SPATA1: variants seen among roughly 807,000 people sequenced by gnomAD.
SPATA1 encodes the protein spermatogenesis associated 1, also known as spermatogenesis-associated protein 1.
SPATA1 carries 57 observed loss-of-function variants against 59.6 expected under a neutral mutation model. The observed-to-expected ratio is 0.96, with a 90% CI of 0.77 to 1.19. The LOEUF (loss-of-function observed/expected upper bound fraction) is 1.19, where lower values mean the gene tolerates loss of function less well. SPATA1 is among the 50% of genes most tolerant of loss of function. SPATA1 has a pLI of 0.00. For missense variants in SPATA1, 448 were observed against 480.7 expected (o/e 0.93, Z 0.64); for synonymous variants, 147 against 163.9 (o/e 0.90, Z 0.79).
intron 1 of SPATA1, among the ~76,000 whole-genome samples, chr1:84,508,296 C>A (rs974893297): frequency 3.6e-4 from 54 of 149,072 alleles, no homozygotes; most frequent in African/African-American, 7.8e-4. Flanking sequence ...AAAAAAAAAA[C>A]AAAACCATTG....
intron 1 of SPATA1, among the ~76,000 whole-genome samples, chr1:84,515,812 A>C (rs11163992): frequency 0.18 from 27,408 of 152,084 alleles, 2,548 homozygotes; most frequent in South Asian, 0.31. Context: ...TATATGATAT[A>C]ACAGTTTTCA....
intron 5 of SPATA1, 28 bp from the exon 6 acceptor site, chr1:84,525,817 A>G: frequency 6.2e-7 from 1 of 1,604,948 alleles, no homozygotes; most frequent in Non-Finnish European, 8.5e-7. Context: ...ATTGCAAACT[A>G]ACTTTTAAAA....
chr1:84,542,143 T>C (rs991090183), intron 8 of SPATA1, among the ~76,000 whole-genome samples: 3 of 152,132 alleles, frequency 2.0e-5, no homozygotes, highest in Non-Finnish European at 4.4e-5. Context: ...TTTGTATTTT[T>C]AGTAGAGACG....
intron 6 of SPATA1, chr1:84,527,714 T>C (rs6688208): frequency 0.17 from 25,228 of 152,154 alleles, 3,851 homozygotes; most frequent in African/African-American, 0.4. Context: ...TGCTATCATG[T>C]ATAGTGCAAT....
chr1:84,520,358 T>C (rs1570399270), intron 2 of SPATA1: 1 of 420,038 alleles, frequency 2.4e-6, no homozygotes, highest in Non-Finnish European at 4.2e-6. Flanking sequence ...GCTAATCTCA[T>C]AGCCACATCT....
intron 10 of SPATA1, among the ~76,000 whole-genome samples, chr1:84,546,855 T>C (rs1002159449): frequency 2.6e-5 from 4 of 152,284 alleles, no homozygotes; most frequent in Middle Eastern, 3.4e-3. Context: ...GTTAAGTAAG[T>C]TTTCTTGCAG....
At chr1:84,533,467 A>C (rs1683551436) in intron 7 of SPATA1, among the ~76,000 whole-genome samples, 1 of 152,084 alleles carries the variant, frequency 6.6e-6, no homozygotes, top group Non-Finnish European at 1.5e-5. Context: ...TTATCTTGCT[A>C]TAGATATTGA....
chr1:84,516,112 G>C (rs1193377570), intron 1 of SPATA1, 111 bp from the exon 2 acceptor site: 2 of 388,312 alleles, frequency 5.2e-6, no homozygotes, highest in Non-Finnish European at 9.1e-6. Context: ...CTATTTACTA[G>C]TAATATGTCC....
intron 8 of SPATA1, among the ~76,000 whole-genome samples, chr1:84,538,562 G>A (rs1264684928): frequency 1.3e-5 from 2 of 152,168 alleles, no homozygotes; most frequent in African/African-American, 2.4e-5. Flanking sequence ...CATGGTCTGC[G>A]ACATGTTGAG....
intron 2 of SPATA1, 142 bp downstream of exon 2, chr1:84,516,537 C>A: frequency 5.3e-6 from 3 of 568,618 alleles, no homozygotes; most frequent in South Asian, 2.4e-5. Context: ...TATCCCATTG[C>A]CTGATTACAC....
In SPATA1 at chr1:84,533,769, A is replaced by T. The variant is rs545362969; in HGVS notation, c.717+3A>T. 3.2e-6 allele frequency: 5 copies of T among 1,548,182 alleles called. No homozygotes were observed. The highest frequency in any genetic ancestry group is 4.4e-6 in the Non-Finnish European group (5 of 1,144,402). Reference sequence around the variant, plus strand: ...TCAGTAGAAGACAGGACAATCAGGTACTATTTAAAATTTTTTGTTTAAACA... The same window carrying T: ...TCAGTAGAAGACAGGACAATCAGGTTCTATTTAAAATTTTTTGTTTAAACA... On this transcript the variant is annotated splice_donor_region_variant and intron_variant, in intron 8 of 12. Coordinates refer to ENST00000490879, the Ensembl canonical transcript of SPATA1.
At chr1:84,562,333 C>G (rs181162224) in intron 4 of SPATA1, among the ~76,000 whole-genome samples, 45 of 152,242 alleles carry the variant, frequency 3.0e-4, no homozygotes, top group African/African-American at 8.7e-4. Flanking sequence ...ACAATACACT[C>G]TAGTTTCACT....
intron 1 of SPATA1, among the ~76,000 whole-genome samples, chr1:84,514,118 T>A (rs767146474): frequency 3.9e-5 from 6 of 152,166 alleles, no homozygotes; most frequent in Non-Finnish European, 8.8e-5. Context: ...GTGCTGGGAT[T>A]ATAGGCACAA....
At position 84,516,460 on chromosome 1, in the gene SPATA1, T is replaced by C; in HGVS notation, c.36+65T>C. The C allele has an allele frequency of 8.2e-6, 8 of 973,402 alleles. No homozygotes were observed. In the South Asian group the frequency reaches 1.0e-4, roughly 12 times the overall value. The allele number at this position is 973,402 out of a possible 1,614,324, so 60.3% of individuals were successfully genotyped here. A position where few individuals can be genotyped will look rare whatever the true frequency, so the allele number is the denominator to read the frequency against. ...GCTTATCACTGTTTTTGAAAAGTTT[T>C]ATAAAAGCAAAAACATAGATTATAT... On this transcript the variant is annotated intron_variant, in intron 2 of 12. Coordinates refer to ENST00000490879, the Ensembl canonical transcript of SPATA1.
chr1:84,561,214 G>C lies in SPATA1; in HGVS notation n.443-4647G>C, dbSNP rs941306930. 5.3e-5 allele frequency among the ~76,000 whole-genome samples: 8 copies of C among 152,304 alleles called. No individual in the cohort carries two copies. In the East Asian group the frequency reaches 1.5e-3, roughly 29 times the overall value. On this transcript the variant is annotated intron_variant and non_coding_transcript_variant, in intron 4 of 4. Transcript: ENST00000460286. Reference sequence around the variant, plus strand: ...GAGGTCAAAATATCAACATTAACAGGAGTTTGGAAGAAGTGGGTTACAACC... The same window carrying C: ...GAGGTCAAAATATCAACATTAACAGCAGTTTGGAAGAAGTGGGTTACAACC...
downstream of SPATA1, among the ~76,000 whole-genome samples, chr1:84,566,493 T>C (rs1684703567): frequency 6.6e-6 from 1 of 152,226 alleles, no homozygotes; most frequent in Non-Finnish European, 1.5e-5. Flanking sequence ...TCACCTTATA[T>C]GGTAGATTTG....
downstream of SPATA1, among the ~76,000 whole-genome samples, chr1:84,558,162 AC>A (rs1194020124): frequency 6.6e-6 from 1 of 152,250 alleles, no homozygotes; most frequent in Non-Finnish European, 1.5e-5. Context: ...AAGTGTTCTT[AC>A]CATTTAAAAA....
intron 8 of SPATA1, among the ~76,000 whole-genome samples, chr1:84,541,332 C>A (rs1230562953): frequency 6.6e-6 from 1 of 152,014 alleles, no homozygotes; most frequent in Non-Finnish European, 1.5e-5. Flanking sequence ...GTTTTTCTTT[C>A]AGGGGCAACA....
At chr1:84,513,213 G>A (rs577963434) in intron 1 of SPATA1, among the ~76,000 whole-genome samples, 2 of 152,260 alleles carry the variant, frequency 1.3e-5, no homozygotes, top group African/African-American at 2.4e-5. Flanking sequence ...TCGGCTCTCC[G>A]CACCCTCCGT....
Sources: gnomAD v4.1 joint callset for allele counts (sites outside exome capture counted in the v4.1 genomes callset) on GRCh38, gnomAD v4.1.1 for gene constraint, MANE v1.5 for transcripts, NCBI Gene and HGNC (gene_info 2026-07-23, HGNC 2026-07-21) for gene names.